Variants in PDXK observed in about 807,000 individuals in gnomAD.
The protein encoded by PDXK is pyridoxal kinase.
PDXK carries 15 observed loss-of-function variants against 43.2 expected under a neutral mutation model. The ratio of observed to expected loss-of-function variants is 0.35; its 90% CI spans 0.23 to 0.53. The LOEUF is 0.53. Ranked by LOEUF, PDXK falls within the 20% of genes least tolerant of loss-of-function variation. The probability of loss-of-function intolerance (pLI) is 0.92; values close to 1 mark genes in which losing one functional copy is unlikely to be tolerated. For missense variants in PDXK, 343 were observed against 417.0 expected, an observed-to-expected ratio of 0.82 and a Z score of 1.54; for synonymous variants, 172 against 165.4, an observed-to-expected ratio of 1.04 and a Z score of -0.31.
At chr21:43,722,490 T>G (rs1198705035) in intron 1 of PDXK, among the ~76,000 whole-genome samples, 1 of 152,192 alleles carries the variant, frequency 6.6e-6, no homozygotes, top group Non-Finnish European at 1.5e-5. Flanking sequence ...ATATGCAGCC[T>G]TAGGGTCATG....
At chr21:43,729,099 G>T (rs2083285457) in intron 1 of PDXK, 1 of 865,320 alleles carries the variant, frequency 1.2e-6, no homozygotes, top group Non-Finnish European at 1.4e-6. Flanking sequence ...CTGCCCCCTG[G>T]CTGCGGCCTC....
intron 7 of PDXK, 58 bp downstream of exon 7, chr21:43,750,603 G>A: frequency 7.2e-7 from 1 of 1,394,826 alleles, no homozygotes. Context: ...GTGGGGACGG[G>A]AGACAGGCTG....
chr21:43,741,876 C>G (rs2083539891), intron 3 of PDXK, 105 bp downstream of exon 3: 2 of 750,806 alleles, frequency 2.7e-6, no homozygotes, highest in Non-Finnish European at 4.6e-6. Flanking sequence ...TCTCGGGTCC[C>G]TGCCCCTTCA....
intron 1 of PDXK, among the ~76,000 whole-genome samples, chr21:43,720,174 G>T (rs991549609): frequency 6.6e-6 from 1 of 152,180 alleles, no homozygotes; most frequent in Admixed American, 6.5e-5. Context: ...TGGGTGTCAC[G>T]CAGGGCCGAG....
Position 43,733,793 on chromosome 21 carries a change from A to C in PDXK, c.88-276A>C, listed in dbSNP as rs141007253. 25 of 781,976 alleles carry C rather than the reference A, an allele frequency of 3.2e-5. No homozygotes were observed. In the African/African-American group the frequency reaches 3.9e-4, roughly 12 times the overall value. The allele number at this position is 781,976 out of a possible 1,614,324, so 48.4% of individuals were successfully genotyped here. A position where few individuals can be genotyped will look rare whatever the true frequency, so the allele number is the denominator to read the frequency against. On this transcript the variant is annotated intron_variant, in intron 1 of 10. Coordinates refer to ENST00000291565, the MANE Select transcript of PDXK (RefSeq NM_003681.5). ...GGAATGATGCGTGAAGTGCTTCCCC[A>C]TGGAGGTCCTGTGGGCTGGGCGATG...
In PDXK at chr21:43,757,986, C is replaced by CT. The variant is rs879157659; in HGVS notation, c.*1939dup. 0.028 allele frequency: 3,953 copies of CT among 138,906 alleles called. 165 individuals are homozygous for CT. Among genetic ancestry groups the CT allele is most frequent in the African/African-American group, 0.091 (3,503 of 38,384 alleles). The allele number at this position is 138,906 out of a possible 1,614,324, so 8.6% of individuals were successfully genotyped here. ...AGCCACCAGGAAAGCTTTTCTTTTTCTTTTTTTTTTTTTTTTAAACACCAA... is the reference window on the plus strand; with the variant it reads ...AGCCACCAGGAAAGCTTTTCTTTTTCTTTTTTTTTTTTTTTTTAAACACCAA... On this transcript the variant is annotated 3_prime_UTR_variant, in exon 11 of 11. Transcript: ENST00000291565.
At chr21:43,733,883 T>C (rs532279833) in intron 1 of PDXK, among the ~76,000 whole-genome samples, 186 bp from the exon 2 acceptor site, 1 of 152,360 alleles carries the variant, frequency 6.6e-6, no homozygotes, top group East Asian at 1.9e-4. Flanking sequence ...GCCCTGCCTG[T>C]GCACATGTCA....
At chr21:43,720,863 CCCT>C (rs2083201189) in intron 1 of PDXK, among the ~76,000 whole-genome samples, 1 of 152,194 alleles carries the variant, frequency 6.6e-6, no homozygotes, top group Non-Finnish European at 1.5e-5. Flanking sequence ...TCTGTCCCGT[CCCT>C]CCTCCCATCC....
Position 43,732,348 on chromosome 21 carries a change from A to C in PDXK, c.88-1721A>C. 1.2e-6 allele frequency: 2 copies of C among 1,608,610 alleles called. No individual in the cohort carries two copies. The highest frequency in any genetic ancestry group is 1.1e-5 in the South Asian group (1 of 90,906). On this transcript the variant is annotated intron_variant, in intron 1 of 10. Coordinates refer to ENST00000291565, the MANE Select transcript of PDXK (RefSeq NM_003681.5). This position sits in a 1 kb window ranked among gnomAD's most constrained non-coding sequence, Gnocchi z 4.1. ...GCCCCCCGTGCATTGTCGTCTTCTG[A>C]GTCTGGCTTTGTCTGGCACATGAAG...
rs115536122 is a variant in PDXK, at chr21:43,731,729, G to A, written c.88-2340G>A. On this transcript the variant is annotated intron_variant, in intron 1 of 10. Coordinates refer to ENST00000291565, the MANE Select transcript of PDXK (RefSeq NM_003681.5). ...CCAGTCTGTCCTTGGCTCCCTTGTG[G>A]GTGGGGAAAGATGAGGTGTATCAGG... 3.0e-3 allele frequency among the ~76,000 whole-genome samples: 454 copies of A among 151,724 alleles called. 3 individuals carry two copies. Among genetic ancestry groups the A allele is most frequent in the African/African-American group, 0.011 (438 of 41,008 alleles).
At chr21:43,729,155 T>C (rs887666380) in intron 1 of PDXK, 61 of 331,466 alleles carry the variant, frequency 1.8e-4, no homozygotes, top group Non-Finnish European at 1.3e-4. Context: ...GGCGCTTGTT[T>C]ACGGAGTTAC....
In PDXK at chr21:43,737,325, C is replaced by T; in HGVS notation, c.142+3202C>T. On this transcript the variant is annotated intron_variant, in intron 2 of 10. Coordinates refer to ENST00000291565, the MANE Select transcript of PDXK (RefSeq NM_003681.5). The surrounding 1 kb of genome is among the most constrained non-coding windows in gnomAD (Gnocchi z 4.8). ...CTGCTGCTCGCACTTCTGCCCCTTC[C>T]CCCGGCCAGGCCCCCGTTCCTTGAG... is the stretch of plus-strand genomic sequence containing the variant. The T allele has an allele frequency of 1.5e-6, 2 of 1,357,014 alleles. No homozygotes were observed. The highest frequency in any genetic ancestry group is 3.1e-5 in the East Asian group (1 of 32,740). 84.1% of individuals were successfully genotyped at this position (1,357,014 alleles called of 1,614,324 possible).
At chr21:43,736,095 C>T (rs1038922595) in intron 2 of PDXK, among the ~76,000 whole-genome samples, 2 of 152,186 alleles carry the variant, frequency 1.3e-5, no homozygotes, top group Non-Finnish European at 2.9e-5. Flanking sequence ...GAGCTGGAGG[C>T]GCTTTTTGTT....
At position 43,741,800 on chromosome 21, in the gene PDXK, G is replaced by A. The variant is rs751682034; in HGVS notation, c.247+29G>A. ...GGTGCCGGAGCAAGCTGCCGCAGGG[G>A]ACTACGCACCCCACTCCAGCCAGGG... On this transcript the variant is annotated intron_variant, in intron 3 of 10. Transcript: ENST00000291565. The A allele has an allele frequency of 4.9e-6, 7 of 1,441,354 alleles. No homozygotes were observed. In the African/African-American group the frequency reaches 5.6e-5, roughly 12 times the overall value. 89.3% of individuals were successfully genotyped at this position (1,441,354 alleles called of 1,614,324 possible).
chr21:43,719,601 C>A (rs2147195801), intron 1 of PDXK: 2 of 985,150 alleles, frequency 2.0e-6, no homozygotes, highest in South Asian at 9.4e-5. Context: ...GCGGGTGGGA[C>A]GGGTCCGGCG....
At chr21:43,731,265 T>C (rs768949548) in intron 1 of PDXK, among the ~76,000 whole-genome samples, 3 of 152,260 alleles carry the variant, frequency 2.0e-5, no homozygotes, top group Non-Finnish European at 4.4e-5. Flanking sequence ...TTCCAATCTC[T>C]GATTTTTCCT....
At chr21:43,747,018 G>C (rs2147287679) in intron 5 of PDXK, 1 of 152,494 alleles carries the variant, frequency 6.6e-6, no homozygotes, top group African/African-American at 2.4e-5. Context: ...CCTACCTATA[G>C]TCCCAACTAC....
chr21:43,728,302 T>G (rs1366691548), intron 1 of PDXK, among the ~76,000 whole-genome samples: 1 of 152,074 alleles, frequency 6.6e-6, no homozygotes, highest in Non-Finnish European at 1.5e-5. Context: ...TTGATCAGGG[T>G]GAAGCAGTCA....
chr21:43,719,585 G>A lies in PDXK; in HGVS notation c.87+204G>A, dbSNP rs1166028825. ...AAGCGGAGGGCTGAGCGCTCTGCGG[G>A]CCCCTGCGGGTGGGACGGGTCCGGC... On this transcript the variant is annotated intron_variant, in intron 1 of 10. Coordinates refer to ENST00000291565, the MANE Select transcript of PDXK (RefSeq NM_003681.5). The A allele has an allele frequency of 1.4e-5, 14 of 983,032 alleles. No individual in the cohort carries two copies. In the East Asian group the frequency reaches 5.7e-4, roughly 40 times the overall value. The allele number at this position is 983,032 out of a possible 1,614,324, so 60.9% of individuals were successfully genotyped here.
Sources: allele counts gnomAD v4.1 joint callset (sites outside exome capture counted in the v4.1 genomes callset), GRCh38; gene constraint gnomAD v4.1.1; non-coding constraint Gnocchi (gnomAD v3.1); transcripts MANE v1.5; gene names NCBI Gene and HGNC (gene_info 2026-07-23, HGNC 2026-07-21).